PRKCH: variants seen among roughly 807,000 people sequenced by gnomAD.
The protein encoded by PRKCH is protein kinase C eta type.
Under a neutral mutation model 82.5 loss-of-function variants are expected in PRKCH, and 28 were observed. That is an observed-to-expected ratio of 0.34 (90% CI 0.25 to 0.47). The LOEUF is 0.47. PRKCH is among the 20% of genes least tolerant of loss of function. The probability of loss-of-function intolerance (pLI) is 1.00; values close to 1 mark genes in which losing one functional copy is unlikely to be tolerated. For synonymous variants in PRKCH, 322 were observed against 327.4 expected (o/e 0.98, Z 0.18); for missense variants, 705 against 881.8 (o/e 0.80, Z 2.54).
At chr14:61,283,527 TTTTTTA>T (rs1224509399) in intron 1 of PRKCH, among the ~76,000 whole-genome samples, 1 of 151,952 alleles carries the variant, frequency 6.6e-6, no homozygotes, top group Non-Finnish European at 1.5e-5. Context: ...AAGACACTCT[TTTTTTA>T]TTTTTATTTT....
intron 1 of PRKCH, among the ~76,000 whole-genome samples, chr14:61,358,957 A>G (rs1359556961): frequency 2.0e-5 from 3 of 152,128 alleles, no homozygotes; most frequent in African/African-American, 7.2e-5. Flanking sequence ...CCCTTCCAGG[A>G]TAAGTTAGGT....
chr14:61,268,913 A>G (rs1166605537), intron 1 of PRKCH, among the ~76,000 whole-genome samples: 2 of 152,224 alleles, frequency 1.3e-5, no homozygotes, highest in Non-Finnish European at 2.9e-5. Flanking sequence ...TTAAGCTGTG[A>G]GTCAGTTTCA....
chr14:61,493,738 G>A (rs1228452850), intron 10 of PRKCH, among the ~76,000 whole-genome samples: 4 of 151,976 alleles, frequency 2.6e-5, no homozygotes, highest in Non-Finnish European at 5.9e-5. Flanking sequence ...CATGGCATGT[G>A]TGGACATACC....
At chr14:61,190,405 T>G (rs1427570386) in intron 1 of PRKCH, among the ~76,000 whole-genome samples, 1 of 152,174 alleles carries the variant, frequency 6.6e-6, no homozygotes, top group Non-Finnish European at 1.5e-5. Flanking sequence ...TGTATCAACC[T>G]TCTAGTCTCT....
At chr14:61,397,723 T>A (rs2046807204) in intron 2 of PRKCH, among the ~76,000 whole-genome samples, 1 of 152,184 alleles carries the variant, frequency 6.6e-6, no homozygotes, top group African/African-American at 2.4e-5. Flanking sequence ...AAATGTTTGA[T>A]AATGAAGTTA....
chr14:61,539,118 CT>C (rs2043149107), intron 12 of PRKCH, among the ~76,000 whole-genome samples: 1 of 152,196 alleles, frequency 6.6e-6, no homozygotes, highest in Admixed American at 6.5e-5. Context: ...AGCATGTTGT[CT>C]AACAACGGGC....
At chr14:61,208,800 T>C (rs530210523) in intron 1 of PRKCH, among the ~76,000 whole-genome samples, 1 of 152,218 alleles carries the variant, frequency 6.6e-6, no homozygotes, top group Admixed American at 6.5e-5. Context: ...CAATTACCAT[T>C]GCTATGATCT....
At chr14:61,509,763 A>G (rs1887297047) in intron 10 of PRKCH, among the ~76,000 whole-genome samples, 2 of 152,042 alleles carry the variant, frequency 1.3e-5, no homozygotes, top group African/African-American at 4.8e-5. Context: ...AATAAAATAA[A>G]AACTAGCCAT....
intron 1 of PRKCH, among the ~76,000 whole-genome samples, chr14:61,261,927 A>C (rs372107352): frequency 2.0e-5 from 3 of 152,180 alleles, no homozygotes; most frequent in Non-Finnish European, 4.4e-5. Context: ...TCATTTAAGA[A>C]TATTCAGAGC....
At chr14:61,306,402 C>T (rs994382935) in intron 1 of PRKCH, 2 of 152,228 alleles carry the variant, frequency 1.3e-5, no homozygotes, top group Non-Finnish European at 2.9e-5. Context: ...GGGATGACAA[C>T]TACTCTAAAC....
chr14:61,488,644 G>A (rs1183684879), intron 10 of PRKCH, among the ~76,000 whole-genome samples: 1 of 152,162 alleles, frequency 6.6e-6, no homozygotes, highest in African/African-American at 2.4e-5. Context: ...AAGGTAGAGT[G>A]GGCAAAAGCA....
At chr14:61,188,239 C>A (rs1962015362) in intron 1 of PRKCH, among the ~76,000 whole-genome samples, 2 of 152,338 alleles carry the variant, frequency 1.3e-5, no homozygotes, top group Admixed American at 1.3e-4. Context: ...TTTACCTCTG[C>A]CTTTGCAGGT....
At chr14:61,381,802 G>T (rs1452002467) in intron 1 of PRKCH, among the ~76,000 whole-genome samples, 1 of 152,252 alleles carries the variant, frequency 6.6e-6, no homozygotes, top group Admixed American at 6.5e-5. Context: ...AGGGGAATGA[G>T]TGGTGTGATG....
intron 1 of PRKCH, among the ~76,000 whole-genome samples, chr14:61,194,977 G>A (rs1230414883): frequency 5.9e-5 from 9 of 152,132 alleles, no homozygotes; most frequent in African/African-American, 2.2e-4. Context: ...CAGGTGATCC[G>A]CCTGCCTTTG....
chr14:61,317,008 G>A (rs915538270), upstream of PRKCH, among the ~76,000 whole-genome samples: 12 of 152,158 alleles, frequency 7.9e-5, no homozygotes, highest in East Asian at 5.8e-4. Context: ...CAATTACCAC[G>A]GTAGCCTGTA....
At chr14:61,216,297 C>T (rs542943601) in intron 1 of PRKCH, among the ~76,000 whole-genome samples, 8 of 151,886 alleles carry the variant, frequency 5.3e-5, no homozygotes, top group Non-Finnish European at 1.2e-4. Context: ...GAAATTCTGT[C>T]TCTACTAAAA....
intron 1 of PRKCH, among the ~76,000 whole-genome samples, chr14:61,236,561 A>G (rs1223011382): frequency 6.6e-6 from 1 of 152,050 alleles, no homozygotes; most frequent in Admixed American, 6.5e-5. Flanking sequence ...TACAAAAATT[A>G]GCCAGGCATG....
intron 10 of PRKCH, among the ~76,000 whole-genome samples, chr14:61,514,314 T>TAA (rs546556676): frequency 0.039 from 5,152 of 132,048 alleles, 249 homozygotes; most frequent in African/African-American, 0.12. Flanking sequence ...TCTTCTCCTT[T>TAA]AAAAAAAAAA....
chr14:61,340,913 A>G (rs2045923338), intron 1 of PRKCH, among the ~76,000 whole-genome samples: 1 of 152,346 alleles, frequency 6.6e-6, no homozygotes, highest in East Asian at 1.9e-4. Flanking sequence ...TTGCCAAGTC[A>G]TGCCAGATTG....
Sources: gnomAD v4.1 joint callset for allele counts (sites outside exome capture counted in the v4.1 genomes callset) on GRCh38, gnomAD v4.1.1 for gene constraint, MANE v1.5 for transcripts, NCBI Gene and HGNC (gene_info 2026-07-23, HGNC 2026-07-21) for gene names.